CYP7B1: variants seen among roughly 807,000 people sequenced by gnomAD.
CYP7B1 encodes cytochrome P450 family 7 subfamily B member 1.
A neutral mutation model predicts 42.7 loss-of-function variants in CYP7B1; 29 were observed. The observed-to-expected ratio is 0.68, with a 90% confidence interval of 0.51 to 0.93. CYP7B1 has a LOEUF of 0.93. Among genes scored for constraint, CYP7B1 ranks in the 40% least tolerant of loss-of-function variants. The pLI, the probability that CYP7B1 is intolerant of heterozygous loss-of-function variation, is 0.00. For missense variants in CYP7B1, 655 were observed against 600.5 expected, an observed-to-expected ratio of 1.09 and a Z score of -0.95; for synonymous variants, 235 against 218.2, an observed-to-expected ratio of 1.08 and a Z score of -0.68.
At chr8:64,636,943 T>C (rs889557489) in intron 1 of CYP7B1, among the ~76,000 whole-genome samples, 8 of 152,206 alleles carry the variant, frequency 5.3e-5, no homozygotes, top group East Asian at 1.9e-4. Flanking sequence ...TGGGATTTGA[T>C]TGGACTCCAT....
At chr8:64,744,753 G>T (rs1807618688) in intron 1 of CYP7B1, among the ~76,000 whole-genome samples, 1 of 152,096 alleles carries the variant, frequency 6.6e-6, no homozygotes, top group Admixed American at 6.6e-5. Context: ...AGCAAGATTT[G>T]ATCCACAACC....
chr8:64,701,529 T>G (rs1806916243), intron 1 of CYP7B1, among the ~76,000 whole-genome samples: 1 of 152,090 alleles, frequency 6.6e-6, no homozygotes, highest in Non-Finnish European at 1.5e-5. Context: ...GATATTACCA[T>G]GTGCTGATAT....
At chr8:64,678,503 TA>T (rs1806485237) in intron 1 of CYP7B1, among the ~76,000 whole-genome samples, 1 of 152,118 alleles carries the variant, frequency 6.6e-6, no homozygotes, top group Admixed American at 6.5e-5. Context: ...TAGTTACAAA[TA>T]AAATGCTGGC....
At chr8:64,770,194 T>C (rs1646150492) in intron 1 of CYP7B1, among the ~76,000 whole-genome samples, 1 of 152,088 alleles carries the variant, frequency 6.6e-6, no homozygotes, top group Non-Finnish European at 1.5e-5. Context: ...AAATCATAGA[T>C]GAGACCAACC....
intron 4 of CYP7B1, among the ~76,000 whole-genome samples, chr8:64,605,919 T>A (rs73237756): frequency 0.024 from 3,645 of 152,240 alleles, 126 homozygotes; most frequent in African/African-American, 0.079. Flanking sequence ...GAGTACCCAA[T>A]TATTAGATTA....
chr8:64,604,550 G>A, intron 5 of CYP7B1, 132 bp downstream of exon 5: 1 of 874,238 alleles, frequency 1.1e-6, no homozygotes, highest in Non-Finnish European at 1.9e-6. Context: ...CTTATTAGGA[G>A]GAATAATAGA....
intron 1 of CYP7B1, among the ~76,000 whole-genome samples, chr8:64,643,179 A>G (rs1363315106): frequency 1.0e-5 from 1 of 98,024 alleles, no homozygotes; most frequent in Non-Finnish European, 2.4e-5. Flanking sequence ...ATACATATAT[A>G]TACATATATA....
At chr8:64,703,578 C>T (rs1004184810) in intron 1 of CYP7B1, among the ~76,000 whole-genome samples, 9 of 151,918 alleles carry the variant, frequency 5.9e-5, no homozygotes, top group Admixed American at 1.3e-4. Context: ...GGTAAACAAA[C>T]GAAAGAAGCA....
At chr8:64,641,142 C>A (rs1805849399) in intron 1 of CYP7B1, among the ~76,000 whole-genome samples, 1 of 152,136 alleles carries the variant, frequency 6.6e-6, no homozygotes, top group Admixed American at 6.6e-5. Flanking sequence ...CATATGAGAG[C>A]TAATTTTTGG....
intron 1 of CYP7B1, among the ~76,000 whole-genome samples, chr8:64,764,229 G>GCTCCCCCCCCCCCCCCCCCCCCCCCCC (rs1554539986): frequency 8.0e-5 from 10 of 125,142 alleles, no homozygotes; most frequent in African/African-American, 2.8e-4. Flanking sequence ...CTTCCACGCT[G>GCTCCCCCCCCCCCCCCCCCCCCCCCCC]CCCCCCCCAC....
chr8:64,600,507 TA>T (rs150281304), intron 5 of CYP7B1, among the ~76,000 whole-genome samples: 5,828 of 152,166 alleles, frequency 0.038, 341 homozygotes, highest in African/African-American at 0.13. Flanking sequence ...TTTCTCATAA[TA>T]AAAAAAGTCA....
chr8:64,742,241 AATAG>A (rs1334116169), intron 1 of CYP7B1, among the ~76,000 whole-genome samples: 1 of 151,620 alleles, frequency 6.6e-6, no homozygotes, highest in African/African-American at 2.4e-5. Flanking sequence ...TGAGTTGATC[AATAG>A]ATAATCTTTG....
intron 2 of CYP7B1, among the ~76,000 whole-genome samples, chr8:64,620,806 G>A (rs2129630328): frequency 6.6e-6 from 1 of 152,308 alleles, no homozygotes; most frequent in Middle Eastern, 3.4e-3. Flanking sequence ...GTTGTCTACT[G>A]TTGAGTTCAA....
intron 1 of CYP7B1, among the ~76,000 whole-genome samples, chr8:64,762,703 A>G (rs905861183): frequency 1.3e-5 from 2 of 152,238 alleles, no homozygotes; most frequent in Non-Finnish European, 2.9e-5. Flanking sequence ...CATTATTCAC[A>G]TAAAAGTTCA....
chr8:64,780,873 G>A (rs139684736), intron 1 of CYP7B1, among the ~76,000 whole-genome samples: 2 of 152,194 alleles, frequency 1.3e-5, no homozygotes, highest in East Asian at 3.9e-4. Context: ...CCTCCAGGCT[G>A]CAGGCAACCA....
At chr8:64,720,194 T>C (rs977801286) in intron 1 of CYP7B1, among the ~76,000 whole-genome samples, 2 of 152,136 alleles carry the variant, frequency 1.3e-5, no homozygotes, top group Admixed American at 1.3e-4. Context: ...GACACACAGG[T>C]ATGGTCATTT....
chr8:64,776,797 C>A (rs998647256), intron 1 of CYP7B1, among the ~76,000 whole-genome samples: 2 of 152,084 alleles, frequency 1.3e-5, no homozygotes, highest in African/African-American at 2.4e-5. Context: ...TCCAGAGATA[C>A]CCTCCCTACA....
chr8:64,771,358 C>G (rs1049751478), intron 1 of CYP7B1, among the ~76,000 whole-genome samples: 1 of 151,986 alleles, frequency 6.6e-6, no homozygotes, highest in Admixed American at 6.5e-5. Flanking sequence ...CCATGCCCAG[C>G]CTCATTCTTT....
In CYP7B1 at chr8:64,624,547, GA is replaced by G. The variant is rs8192895; in HGVS notation, c.123-9del. 37,585 of 924,230 alleles carry G rather than the reference GA, an allele frequency of 0.041. No individual in the cohort carries two copies. The highest frequency in any genetic ancestry group is 0.064 in the East Asian group (1,448 of 22,670). 57.3% of individuals were successfully genotyped at this position (924,230 alleles called of 1,614,324 possible). On this transcript the variant is annotated splice_polypyrimidine_tract_variant and intron_variant, in intron 1 of 5. Transcript: ENST00000310193. ...GGAGGCTCACCGGGTCTCCTACAAG[GA>G]AAAAAAAAAAGATAAAAGAACAAAA...
Sources: allele counts gnomAD v4.1 joint callset (sites outside exome capture counted in the v4.1 genomes callset), GRCh38; gene constraint gnomAD v4.1.1; transcripts MANE v1.5; gene names NCBI Gene and HGNC (gene_info 2026-07-23, HGNC 2026-07-21).